Variants in ZBTB46 observed in about 807,000 individuals in gnomAD.
The protein encoded by ZBTB46 is zinc finger and BTB domain containing 46.
ZBTB46 carries 8 observed loss-of-function variants against 44.1 expected under a neutral mutation model. The observed-to-expected ratio is 0.18, with a 90% CI of 0.11 to 0.33. ZBTB46 has a LOEUF of 0.33. Among genes scored for constraint, ZBTB46 ranks in the 10% least tolerant of loss-of-function variants. The pLI is 1.00. For synonymous variants in ZBTB46, 409 were observed against 382.3 expected (o/e 1.07, Z -0.81); for missense variants, 651 against 847.7 (o/e 0.77, Z 2.88).
At chr20:63,790,936 G>T in intron 1 of ZBTB46, 146 bp from the exon 2 acceptor site, 2 of 1,197,464 alleles carry the variant, frequency 1.7e-6, no homozygotes, top group Non-Finnish European at 2.3e-6. Context: ...CAGGTGTGCA[G>T]CGGGAGGCCT....
At chr20:63,794,278 A>G (rs1330446441) in intron 1 of ZBTB46, among the ~76,000 whole-genome samples, 2 of 152,008 alleles carry the variant, frequency 1.3e-5, no homozygotes, top group African/African-American at 4.8e-5. Flanking sequence ...GGCAGCCTCC[A>G]ACTCCTGGGC....
chr20:63,831,652 G>A (rs938302816), upstream of ZBTB46, among the ~76,000 whole-genome samples: 13 of 150,278 alleles, frequency 8.7e-5, no homozygotes, highest in African/African-American at 2.9e-4. Flanking sequence ...CGCGAGCGCG[G>A]AGCAGCCTGG....
At chr20:63,802,072 T>C (rs1244018743) in intron 1 of ZBTB46, among the ~76,000 whole-genome samples, 1 of 152,080 alleles carries the variant, frequency 6.6e-6, no homozygotes, top group East Asian at 1.9e-4. Flanking sequence ...TAACCCCTCA[T>C]ATTTCAGAAT....
In ZBTB46 at chr20:63,787,470, C is replaced by T. The variant is rs1026507880; in HGVS notation, c.937+2351G>A. Among the ~76,000 whole-genome samples the T allele has an allele frequency of 2.6e-5, 4 of 152,218 alleles. No homozygotes were observed. The highest frequency in any genetic ancestry group is 2.1e-4 in the South Asian group (1 of 4,828). On this transcript the variant is annotated intron_variant, in intron 2 of 4. Coordinates refer to ENST00000245663, the MANE Select transcript of ZBTB46 (RefSeq NM_001369741.1). The surrounding 1 kb of genome is among the most constrained non-coding windows in gnomAD (Gnocchi z 4.6). ...AGCTCTGTGCATGGCAGGGGCCCTA[C>T]CCAGGCATGCCGTTATCTTGTATAC... is the stretch of plus-strand genomic sequence containing the variant.
intron 1 of ZBTB46, among the ~76,000 whole-genome samples, chr20:63,810,124 A>T (rs1229129826): frequency 1.3e-5 from 2 of 152,280 alleles, no homozygotes; most frequent in East Asian, 3.9e-4. Flanking sequence ...TGCCTCTTTG[A>T]CTAATTCCAC....
intron 3 of ZBTB46, among the ~76,000 whole-genome samples, chr20:63,765,760 AG>A (rs1336263354): frequency 6.6e-6 from 1 of 152,180 alleles, no homozygotes; most frequent in Non-Finnish European, 1.5e-5. Flanking sequence ...GTGTAGTTTC[AG>A]GGGAAAGAAT....
intron 1 of ZBTB46, among the ~76,000 whole-genome samples, chr20:63,792,539 C>T (rs2092569880): frequency 6.6e-6 from 1 of 150,888 alleles, no homozygotes; most frequent in Non-Finnish European, 1.5e-5. Context: ...TTTTTTGAGA[C>T]GGAGTCTCGC....
intron 1 of ZBTB46, among the ~76,000 whole-genome samples, chr20:63,817,103 C>T (rs1446600899): frequency 4.1e-5 from 6 of 145,394 alleles, no homozygotes; most frequent in African/African-American, 1.6e-4. Context: ...GAAACTCAGT[C>T]TCAAAAAAAA....
Position 63,746,582 on chromosome 20 carries a change from T to G in ZBTB46, c.*348A>C. On this transcript the variant is annotated 3_prime_UTR_variant, in exon 5 of 5. Transcript: ENST00000245663. ...ACACACCACCCCGCCCAGTGCCCAC[T>G]GGACCCGGCCACAGGCCCATCACGT... The G allele has an allele frequency of 3.7e-6, 1 of 267,716 alleles. No homozygotes were observed. Among genetic ancestry groups the G allele is most frequent in the East Asian group, 6.9e-5 (1 of 14,456 alleles). The allele number at this position is 267,716 out of a possible 1,614,324, so 16.6% of individuals were successfully genotyped here. A position where few individuals can be genotyped will look rare whatever the true frequency, so the allele number is the denominator to read the frequency against.
chr20:63,801,730 A>G (rs555754501), intron 1 of ZBTB46, among the ~76,000 whole-genome samples: 3 of 152,068 alleles, frequency 2.0e-5, no homozygotes, highest in African/African-American at 7.2e-5. Flanking sequence ...CAAACTCCAG[A>G]CACGCCGCCT....
intron 1 of ZBTB46, among the ~76,000 whole-genome samples, chr20:63,791,794 C>A (rs897878871): frequency 2.0e-5 from 3 of 152,316 alleles, no homozygotes; most frequent in African/African-American, 7.2e-5. Flanking sequence ...CACACAGAAT[C>A]ATTTCTGAAT....
intron 2 of ZBTB46, among the ~76,000 whole-genome samples, chr20:63,781,056 G>C (rs1389737528): frequency 2.0e-5 from 3 of 149,286 alleles, no homozygotes; most frequent in Non-Finnish European, 3.0e-5. Flanking sequence ...CAAGAGAATG[G>C]CGTGAACCCA....
At chr20:63,759,662 G>A (rs888894382) in intron 3 of ZBTB46, among the ~76,000 whole-genome samples, 7 of 152,304 alleles carry the variant, frequency 4.6e-5, no homozygotes, top group African/African-American at 7.2e-5. Context: ...CACACAACCC[G>A]GGCAGGATCT....
chr20:63,750,167 C>G (rs922761765), intron 4 of ZBTB46, among the ~76,000 whole-genome samples: 2 of 152,228 alleles, frequency 1.3e-5, no homozygotes, highest in Non-Finnish European at 2.9e-5. Context: ...CGGGTCTCCA[C>G]GCTCTCAGGT....
intron 1 of ZBTB46, among the ~76,000 whole-genome samples, chr20:63,830,860 G>A (rs1186365499): frequency 1.4e-5 from 2 of 142,714 alleles, no homozygotes; most frequent in Non-Finnish European, 3.1e-5. Flanking sequence ...CGGCCTGGGG[G>A]GCACCCGCGG....
rs377387987 is a variant in ZBTB46, at chr20:63,790,333, G to A, written c.425C>T (p.Ala142Val). 15 of 1,613,024 alleles carry A rather than the reference G, an allele frequency of 9.3e-6. No individual in the cohort carries two copies. Among genetic ancestry groups the A allele is most frequent in the Non-Finnish European group, 1.3e-5 (15 of 1,179,984 alleles). The part of the protein sequence containing the change: ...SIKSDASDEL[A>V]EFEIGASSSS... ...GGACGAGGCGCCGATCTCGAACTCC[G>A]CAAGCTCATCTGAGGCGTCCGACTT... is the stretch of plus-strand genomic sequence containing the variant. Residue 142 changes from alanine to valine, a missense_variant, in exon 2 of 5, where the codon GCG (alanine) becomes GTG (valine). Ala to Val is a moderately conservative substitution (Grantham distance 64, BLOSUM62 0). Coordinates refer to ENST00000245663, the MANE Select transcript of ZBTB46 (RefSeq NM_001369741.1).
chr20:63,752,542 G>T lies in ZBTB46; in HGVS notation c.1398+144C>A. 4 of 1,040,470 alleles carry T rather than the reference G, an allele frequency of 3.8e-6. No individual in the cohort carries two copies. The highest frequency in any genetic ancestry group is 1.7e-5 in the African/African-American group (1 of 59,662). The allele number at this position is 1,040,470 out of a possible 1,614,324, so 64.5% of individuals were successfully genotyped here. On this transcript the variant is annotated intron_variant, in intron 4 of 4. Coordinates refer to ENST00000245663, the MANE Select transcript of ZBTB46 (RefSeq NM_001369741.1). This position sits in a 1 kb window ranked among gnomAD's most constrained non-coding sequence, Gnocchi z 5.6. The stretch of plus-strand genomic sequence containing the variant: ...GCAGAGCAGACAGGGGCCCGGGGCG[G>T]ATCTCCCTGCCCTGCTGTCGTCCCC...
intron 3 of ZBTB46, among the ~76,000 whole-genome samples, chr20:63,754,859 A>C (rs1452965712): frequency 6.6e-6 from 1 of 152,174 alleles, no homozygotes; most frequent in Non-Finnish European, 1.5e-5. Flanking sequence ...TCGGCCTCTC[A>C]AAGTTATGGG....
chr20:63,779,206 AT>A (rs2092448719), intron 2 of ZBTB46, among the ~76,000 whole-genome samples: 1 of 146,764 alleles, frequency 6.8e-6, no homozygotes, highest in African/African-American at 2.5e-5. Context: ...TTCAAAAAAA[AT>A]CACCCAATTT....
Sources: allele counts gnomAD v4.1 joint callset (sites outside exome capture counted in the v4.1 genomes callset), GRCh38; gene constraint gnomAD v4.1.1; non-coding constraint Gnocchi (gnomAD v3.1); transcripts MANE v1.5; gene names NCBI Gene and HGNC (gene_info 2026-07-23, HGNC 2026-07-21).